Variants in MYRIP observed in about 807,000 individuals in gnomAD.
The protein encoded by MYRIP is myosin VIIA and Rab interacting protein.
In MYRIP, 49 loss-of-function variants were observed where a neutral mutation model predicts 98.0. That is an observed-to-expected ratio of 0.50 (90% confidence interval 0.40 to 0.63). The LOEUF (loss-of-function observed/expected upper bound fraction) is 0.63. MYRIP is among the 30% of genes least tolerant of loss of function. The pLI, the probability that MYRIP is intolerant of heterozygous loss-of-function variation, is 0.00. For missense variants in MYRIP, 1,004 were observed against 1,058.2 expected (o/e 0.95, Z 0.71); for synonymous variants, 404 against 409.5 (o/e 0.99, Z 0.16).
intron 3 of MYRIP, among the ~76,000 whole-genome samples, chr3:40,065,583 AAG>A (rs1471524222): frequency 2.0e-5 from 3 of 152,198 alleles, no homozygotes. Flanking sequence ...TGACTTTAGA[AAG>A]AGATATAAAC....
At chr3:40,041,191 A>G (rs933387750) in intron 2 of MYRIP, among the ~76,000 whole-genome samples, 3 of 135,958 alleles carry the variant, frequency 2.2e-5, no homozygotes, top group African/African-American at 8.0e-5. Context: ...GGAGTTAGGA[A>G]ATCATGTTGG....
intron 1 of MYRIP, among the ~76,000 whole-genome samples, chr3:39,835,555 A>G (rs1575287291): frequency 1.3e-5 from 2 of 152,248 alleles, no homozygotes; most frequent in East Asian, 3.9e-4. Flanking sequence ...TTATTTGAAG[A>G]TGAGAAAATA....
intron 1 of MYRIP, among the ~76,000 whole-genome samples, chr3:39,836,863 G>A (rs1246673822): frequency 1.3e-5 from 2 of 152,218 alleles, no homozygotes; most frequent in East Asian, 3.8e-4. Context: ...GTGCTCTAGA[G>A]TAAATACTAT....
chr3:40,032,267 A>T (rs1421127613), intron 2 of MYRIP, among the ~76,000 whole-genome samples: 2 of 152,098 alleles, frequency 1.3e-5, no homozygotes, highest in South Asian at 2.1e-4. Context: ...ATTCAGGAGC[A>T]GGTTGTTCAG....
intron 11 of MYRIP, among the ~76,000 whole-genome samples, chr3:40,226,734 T>G (rs535533302): frequency 2.4e-4 from 37 of 152,254 alleles, no homozygotes; most frequent in African/African-American, 8.9e-4. Context: ...GAGGGTGAAA[T>G]GAGGCAAGGC....
chr3:39,960,508 T>C (rs1017422997), intron 2 of MYRIP, among the ~76,000 whole-genome samples: 1 of 152,180 alleles, frequency 6.6e-6, no homozygotes, highest in Non-Finnish European at 1.5e-5. Context: ...CATTAGCAAG[T>C]TGACCTGCTC....
intron 2 of MYRIP, among the ~76,000 whole-genome samples, chr3:39,942,543 T>TGTA (rs754575264): frequency 2.8e-4 from 42 of 152,252 alleles, no homozygotes; most frequent in Middle Eastern, 3.4e-3. Flanking sequence ...ATAATAGATG[T>TGTA]GTATATTTTG....
Position 40,249,321 on chromosome 3 carries a change from C to T in MYRIP, c.2263-901C>T, listed in dbSNP as rs148387360. Among the ~76,000 whole-genome samples the T allele has an allele frequency of 7.2e-5, 11 of 152,216 alleles. No homozygotes were observed. The East Asian group carries it at 7.7e-4, about 11-fold the overall frequency. On this transcript the variant is annotated intron_variant, in intron 13 of 16. Transcript: ENST00000302541. ...CTGCCTTTTCCAGCGTCCCCCATAC[C>T]GGGTGTTGGCACATCCTCTCAGACT...
At chr3:39,989,402 G>A (rs1415188905) in intron 2 of MYRIP, among the ~76,000 whole-genome samples, 1 of 152,176 alleles carries the variant, frequency 6.6e-6, no homozygotes, top group Non-Finnish European at 1.5e-5. Flanking sequence ...ATGGGTGCCT[G>A]CTCCTTCCTC....
chr3:39,913,734 G>T (rs764837424), intron 2 of MYRIP, among the ~76,000 whole-genome samples: 3 of 152,158 alleles, frequency 2.0e-5, no homozygotes, highest in Non-Finnish European at 4.4e-5. Context: ...ACAAAAACGT[G>T]CAGACCAAAA....
chr3:39,908,984 G>T (rs1317974762), intron 2 of MYRIP, among the ~76,000 whole-genome samples: 3 of 152,326 alleles, frequency 2.0e-5, no homozygotes, highest in South Asian at 4.1e-4. Context: ...TAATGAATCT[G>T]CTGTCTCAGT....
intron 2 of MYRIP, among the ~76,000 whole-genome samples, chr3:40,035,261 C>A (rs1440948792): frequency 6.6e-6 from 1 of 151,400 alleles, no homozygotes; most frequent in East Asian, 1.9e-4. Context: ...AAAAAGAAAT[C>A]AAAACCGCAA....
intron 1 of MYRIP, among the ~76,000 whole-genome samples, chr3:39,856,325 C>T (rs891177356): frequency 6.6e-6 from 1 of 152,198 alleles, no homozygotes; most frequent in Non-Finnish European, 1.5e-5. Context: ...CATGTGGGAG[C>T]TGCACATTAG....
intron 3 of MYRIP, among the ~76,000 whole-genome samples, chr3:40,128,970 T>C (rs1949579338): frequency 6.6e-6 from 1 of 152,184 alleles, no homozygotes. Context: ...TATTTTCTTA[T>C]AACTATTGTA....
intron 2 of MYRIP, among the ~76,000 whole-genome samples, chr3:40,028,364 CCT>C (rs1199712176): frequency 2.6e-5 from 4 of 152,128 alleles, no homozygotes; most frequent in Non-Finnish European, 5.9e-5. Flanking sequence ...CTTCACACCC[CCT>C]GTTACCCAGT....
intron 2 of MYRIP, among the ~76,000 whole-genome samples, chr3:40,030,178 C>T (rs913675133): frequency 6.6e-6 from 1 of 151,580 alleles, no homozygotes; most frequent in African/African-American, 2.4e-5. Context: ...AGGAAATGGG[C>T]CAAAAATTTG....
chr3:39,971,090 A>G (rs1243577285), intron 2 of MYRIP, among the ~76,000 whole-genome samples: 1 of 152,086 alleles, frequency 6.6e-6, no homozygotes, highest in African/African-American at 2.4e-5. Flanking sequence ...AAGTGACAAA[A>G]CAAAGTACTT....
intron 1 of MYRIP, among the ~76,000 whole-genome samples, chr3:39,874,097 A>G (rs1228454284): frequency 6.6e-6 from 1 of 151,546 alleles, no homozygotes; most frequent in East Asian, 1.9e-4. Flanking sequence ...TTCTCTTTGA[A>G]GCAATTGTGA....
intron 2 of MYRIP, among the ~76,000 whole-genome samples, chr3:40,027,450 T>G: frequency 6.6e-6 from 1 of 152,076 alleles, no homozygotes; most frequent in Non-Finnish European, 1.5e-5. Flanking sequence ...ACTAAGCTCT[T>G]TTTCTTTGCT....
Sources: gnomAD v4.1 joint callset for allele counts (sites outside exome capture counted in the v4.1 genomes callset) on GRCh38, gnomAD v4.1.1 for gene constraint, MANE v1.5 for transcripts, NCBI Gene and HGNC (gene_info 2026-07-23, HGNC 2026-07-21) for gene names.